RNLS: variants seen among roughly 807,000 people sequenced by gnomAD.
RNLS encodes renalase.
RNLS carries 39 observed loss-of-function variants against 39.8 expected under a neutral mutation model. That is an observed-to-expected ratio of 0.98 (90% CI 0.76 to 1.28). The LOEUF (loss-of-function observed/expected upper bound fraction) is 1.28, where lower values mean the gene tolerates loss of function less well. Among genes scored for constraint, RNLS ranks in the 50% most tolerant of loss-of-function variants. RNLS has a pLI of 0.00. For missense variants in RNLS, 410 were observed against 413.3 expected (o/e 0.99, Z 0.07); for synonymous variants, 147 against 150.7 (o/e 0.98, Z 0.18).
intron 4 of RNLS, among the ~76,000 whole-genome samples, chr10:88,428,140 G>T (rs774646074): frequency 6.6e-6 from 1 of 151,932 alleles, no homozygotes; most frequent in African/African-American, 2.4e-5. Context: ...GCATTTAAAA[G>T]AATTTTATTT....
intron 4 of RNLS, among the ~76,000 whole-genome samples, chr10:88,565,006 A>G: frequency 6.6e-6 from 1 of 152,132 alleles, no homozygotes; most frequent in East Asian, 1.9e-4. Context: ...AGAGAAAGAG[A>G]ATGAGAATGA....
the RNLS span, among the ~76,000 whole-genome samples, chr10:88,267,278 G>T: frequency 1.3e-5 from 2 of 152,142 alleles, no homozygotes; most frequent in East Asian, 3.8e-4. Flanking sequence ...TATAAGAGAT[G>T]CTATAAAGCA....
At chr10:88,323,920 A>G (rs1248600372) in intron 5 of RNLS, among the ~76,000 whole-genome samples, 1 of 152,192 alleles carries the variant, frequency 6.6e-6, no homozygotes, top group African/African-American at 2.4e-5. Flanking sequence ...AAGTGGGGCA[A>G]GGTCATGAAC....
the RNLS span, among the ~76,000 whole-genome samples, chr10:88,182,450 A>G: frequency 6.6e-6 from 1 of 152,166 alleles, no homozygotes; most frequent in Non-Finnish European, 1.5e-5. Context: ...CGTGGGGGTC[A>G]GACTTTAGGA....
At chr10:88,551,806 TAAC>T (rs1848617533) in intron 4 of RNLS, among the ~76,000 whole-genome samples, 1 of 152,118 alleles carries the variant, frequency 6.6e-6, no homozygotes, top group South Asian at 2.1e-4. Context: ...GTGGGGATAA[TAAC>T]AACGCTGGGT....
intron 4 of RNLS, among the ~76,000 whole-genome samples, chr10:88,457,758 A>ATCCCTATCAGTCTTCAGCATCTAGGTG (rs1564815396): frequency 2.0e-5 from 3 of 152,146 alleles, no homozygotes; most frequent in Admixed American, 6.6e-5. Context: ...ATGTCTCCCT[A>ATCCCTATCAGTCTTCAGCATCTAGGTG]TCCCTATCAG....
the RNLS span, among the ~76,000 whole-genome samples, chr10:88,232,481 A>C: frequency 6.6e-6 from 1 of 151,964 alleles, no homozygotes; most frequent in Non-Finnish European, 1.5e-5. Context: ...GGATATCGCT[A>C]TGCTTCCCAG....
chr10:88,515,599 C>G (rs903534577), intron 4 of RNLS, among the ~76,000 whole-genome samples: 8 of 152,028 alleles, frequency 5.3e-5, no homozygotes, highest in Non-Finnish European at 1.5e-5. Context: ...AGAACATCAC[C>G]CTTCTGTAAT....
At chr10:88,230,382 G>A in the RNLS span, among the ~76,000 whole-genome samples, 1 of 152,020 alleles carries the variant, frequency 6.6e-6, no homozygotes, top group Non-Finnish European at 1.5e-5. Flanking sequence ...GATCTCCATG[G>A]TTTCTTCTCT....
chr10:88,445,791 C>T (rs951227498), intron 4 of RNLS, among the ~76,000 whole-genome samples: 10 of 152,176 alleles, frequency 6.6e-5, no homozygotes, highest in Non-Finnish European at 1.3e-4. Flanking sequence ...GCACCCAATA[C>T]AGGAGCACCC....
the RNLS span, among the ~76,000 whole-genome samples, chr10:88,242,780 T>C: frequency 6.6e-6 from 1 of 152,080 alleles, no homozygotes; most frequent in Admixed American, 6.5e-5. Context: ...AAACCCTGTC[T>C]CTACTAAAAA....
chr10:88,276,198 A>G (rs1018534928), intron 6 of RNLS, among the ~76,000 whole-genome samples: 2 of 152,198 alleles, frequency 1.3e-5, no homozygotes, highest in Non-Finnish European at 2.9e-5. Context: ...TACATTAAGG[A>G]CATACTTTTA....
chr10:88,417,704 A>T (rs567227172), intron 4 of RNLS, among the ~76,000 whole-genome samples: 1 of 152,242 alleles, frequency 6.6e-6, no homozygotes, highest in African/African-American at 2.4e-5. Flanking sequence ...GACTTTAGCC[A>T]TAACTTCCAC....
At chr10:88,347,052 C>T (rs1848357607) in intron 5 of RNLS, among the ~76,000 whole-genome samples, 1 of 152,098 alleles carries the variant, frequency 6.6e-6, no homozygotes, top group South Asian at 2.1e-4. Context: ...AAAAATGGAC[C>T]ACAATGAAGA....
chr10:88,411,074 C>A (rs1853627138), intron 4 of RNLS, among the ~76,000 whole-genome samples: 1 of 152,114 alleles, frequency 6.6e-6, no homozygotes, highest in South Asian at 2.1e-4. Context: ...AAGTCTATTT[C>A]CTGTAACGGC....
intron 6 of RNLS, among the ~76,000 whole-genome samples, chr10:88,306,944 T>TGC (rs1446999245): frequency 6.6e-6 from 1 of 152,084 alleles, no homozygotes; most frequent in Non-Finnish European, 1.5e-5. Context: ...GGTAAACAAA[T>TGC]CCAGCAGCAC....
At chr10:88,407,511 G>A (rs2133680898) in intron 4 of RNLS, among the ~76,000 whole-genome samples, 1 of 151,978 alleles carries the variant, frequency 6.6e-6, no homozygotes, top group Middle Eastern at 3.4e-3. Context: ...AGAAAGAGAA[G>A]GGAGTGAGAA....
downstream of RNLS, among the ~76,000 whole-genome samples, chr10:88,270,188 T>C (rs1227518157): frequency 6.6e-6 from 1 of 152,206 alleles, no homozygotes; most frequent in Non-Finnish European, 1.5e-5. Context: ...TTTCTACCTA[T>C]AATCTCCGTT....
chr10:88,331,785 A>G (rs976476412), intron 5 of RNLS, among the ~76,000 whole-genome samples: 2 of 152,130 alleles, frequency 1.3e-5, no homozygotes, highest in African/African-American at 4.8e-5. Context: ...TCTAGCCACG[A>G]GAGTTACTAC....
Sources: gnomAD v4.1 joint callset for allele counts (sites outside exome capture counted in the v4.1 genomes callset) on GRCh38, gnomAD v4.1.1 for gene constraint, MANE v1.5 for transcripts, NCBI Gene and HGNC (gene_info 2026-07-23, HGNC 2026-07-21) for gene names.